STMND1: variants seen among roughly 807,000 people sequenced by gnomAD.
STMND1 encodes stathmin domain-containing protein 1.
A neutral mutation model predicts 23.0 loss-of-function variants in STMND1; 17 were observed. The observed-to-expected ratio is 0.74, with a 90% CI of 0.51 to 1.11. STMND1 has a LOEUF of 1.11. STMND1 is among the 50% of genes least tolerant of loss of function. STMND1 has a pLI of 0.00. For missense variants in STMND1, 305 were observed against 329.1 expected (o/e 0.93, Z 0.57); for synonymous variants, 114 against 119.9 (o/e 0.95, Z 0.32).
intron 1 of STMND1, among the ~76,000 whole-genome samples, chr6:17,104,292 T>C (rs992659969): frequency 2.6e-5 from 4 of 152,232 alleles, no homozygotes; most frequent in African/African-American, 4.8e-5. Context: ...TCCATTGTTC[T>C]TGTCGCCCTT....
intron 1 of STMND1, among the ~76,000 whole-genome samples, chr6:17,109,499 A>T (rs1001064316): frequency 6.6e-6 from 1 of 152,162 alleles, no homozygotes; most frequent in Non-Finnish European, 1.5e-5. Context: ...AGTGGTTAAC[A>T]CATGCTTGTA....
At chr6:17,119,256 C>T (rs1761197962) in intron 2 of STMND1, among the ~76,000 whole-genome samples, 2 of 152,176 alleles carry the variant, frequency 1.3e-5, no homozygotes, top group African/African-American at 4.8e-5. Context: ...GTTGGAGTTA[C>T]TTGCAGTGGC....
chr6:17,117,064 CT>C (rs558605566), intron 2 of STMND1, among the ~76,000 whole-genome samples: 2 of 151,562 alleles, frequency 1.3e-5, no homozygotes, highest in Admixed American at 6.6e-5. Context: ...GGGAAATTAC[CT>C]TTTTTTTGTT....
intron 1 of STMND1, among the ~76,000 whole-genome samples, chr6:17,103,387 A>C (rs182417789): frequency 1.3e-5 from 2 of 152,224 alleles, no homozygotes; most frequent in East Asian, 3.9e-4. Context: ...TGTGGGGCAC[A>C]TCTCTTGGGC....
chr6:17,123,508 T>G (rs552691378), intron 3 of STMND1, among the ~76,000 whole-genome samples: 1 of 152,260 alleles, frequency 6.6e-6, no homozygotes, highest in East Asian at 1.9e-4. Context: ...CCTGGGGATA[T>G]TTCAAACATC....
chr6:17,119,075 G>T (rs1761195423), intron 2 of STMND1, among the ~76,000 whole-genome samples: 1 of 152,016 alleles, frequency 6.6e-6, no homozygotes, highest in African/African-American at 2.4e-5. Context: ...CCTTTTCATT[G>T]AAATCTTCTC....
At position 17,129,135 on chromosome 6, in the gene STMND1, G is replaced by A; in HGVS notation, c.435G>A (p.Leu145=). 4 of 1,535,894 alleles carry A rather than the reference G, an allele frequency of 2.6e-6. No homozygotes were observed. The highest frequency in any genetic ancestry group is 3.5e-6 in the Non-Finnish European group (4 of 1,146,806). The change falls in exon 4 of 5, where the codon TTG becomes TTA. Residue 145 remains leucine, a synonymous_variant. Coordinates refer to ENST00000536551, the MANE Select transcript of STMND1 (RefSeq NM_001190766.2). ...AGTTGACTACGACTGAGAAGCCATT[G>A]AGAAAGCCACCTTCCAGACTGAAAA... ...DVTLTTTEKP[L]RKPPSRLKKL... is the part of the protein sequence containing the mutation.
intron 1 of STMND1, among the ~76,000 whole-genome samples, chr6:17,107,647 G>A (rs1274119807): frequency 6.6e-6 from 1 of 152,044 alleles, no homozygotes; most frequent in Non-Finnish European, 1.5e-5. Flanking sequence ...CCAAGTTGAA[G>A]TGCAGTGGTA....
intron 1 of STMND1, among the ~76,000 whole-genome samples, chr6:17,110,138 C>G (rs1365653462): frequency 6.6e-6 from 1 of 152,154 alleles, no homozygotes; most frequent in Non-Finnish European, 1.5e-5. Context: ...TATCAAGAAC[C>G]AATTCAGGCA....
chr6:17,126,658 C>T (rs951426031), intron 3 of STMND1, among the ~76,000 whole-genome samples: 3 of 152,106 alleles, frequency 2.0e-5, no homozygotes, highest in African/African-American at 2.4e-5. Context: ...GTGGTCTTTG[C>T]CAGCAGGAAA....
intron 1 of STMND1, among the ~76,000 whole-genome samples, chr6:17,104,855 C>T (rs1760997300): frequency 6.6e-6 from 1 of 152,160 alleles, no homozygotes; most frequent in Non-Finnish European, 1.5e-5. Flanking sequence ...TATTTAACCT[C>T]CCTGTGCCCC....
At chr6:17,103,746 A>T (rs1253498300) in intron 1 of STMND1, among the ~76,000 whole-genome samples, 3 of 151,534 alleles carry the variant, frequency 2.0e-5, no homozygotes, top group Non-Finnish European at 4.4e-5. Context: ...TAATTTTTGT[A>T]TTTTTATTAG....
intron 1 of STMND1, among the ~76,000 whole-genome samples, chr6:17,105,364 G>A (rs192074721): frequency 1.2e-3 from 183 of 152,264 alleles, no homozygotes; most frequent in African/African-American, 3.9e-3. Flanking sequence ...ATAAAATCCT[G>A]GCCGGGTGTG....
At chr6:17,126,970 C>T (rs760770631) in intron 3 of STMND1, among the ~76,000 whole-genome samples, 3 of 152,176 alleles carry the variant, frequency 2.0e-5, no homozygotes, top group Non-Finnish European at 4.4e-5. Flanking sequence ...GCATTCCTGC[C>T]GCCCCAGAGT....
At chr6:17,117,667 CTTTTTTTTT>C (rs34107338) in intron 2 of STMND1, among the ~76,000 whole-genome samples, 2 of 49,566 alleles carry the variant, frequency 4.0e-5, no homozygotes, top group African/African-American at 8.6e-5. Context: ...TTGGGTTACG[CTTTTTTTTT>C]TTTTTTTTTT....
chr6:17,116,172 G>T (rs897635006), intron 2 of STMND1, among the ~76,000 whole-genome samples: 4 of 152,204 alleles, frequency 2.6e-5, no homozygotes, highest in African/African-American at 9.7e-5. Flanking sequence ...AGTCAGTGCT[G>T]CCAGCTGTGT....
chr6:17,108,696 C>CTTTTTTTTTTTTT (rs10653504), intron 1 of STMND1, among the ~76,000 whole-genome samples: 1 of 138,736 alleles, frequency 7.2e-6, no homozygotes, highest in Non-Finnish European at 1.5e-5. Context: ...TTTTCTTTTT[C>CTTTTTTTTTTTTT]TTTTTTTTTT....
rs749271581 is a variant in STMND1 at position 17,120,617 on chromosome 6, C to G, written c.270C>G (p.Thr90=). 1.0e-5 allele frequency: 15 copies of G among 1,507,032 alleles called. 1 individual carries two copies. The South Asian group carries it at 1.8e-4, about 18-fold the overall frequency. The allele number at this position is 1,507,032 out of a possible 1,614,324, so 93.4% of individuals were successfully genotyped here. Residue 90 remains threonine (T), a synonymous_variant, in exon 3 of 5, where the codon ACC becomes ACG. Coordinates refer to ENST00000536551, the MANE Select transcript of STMND1 (RefSeq NM_001190766.2). ...RNRRVNSDLV[T]NGLINKPQSL... ...CTTCTTTTTTGGAAGACCTAGTGAC[C>G]AATGGATTAATCAATAAACCCCAAT...
chr6:17,118,546 G>A (rs531124597), intron 2 of STMND1, among the ~76,000 whole-genome samples: 1 of 152,238 alleles, frequency 6.6e-6, no homozygotes, highest in South Asian at 2.1e-4. Flanking sequence ...ACATATTCCA[G>A]GAATCTCTGT....
Sources: gnomAD v4.1 joint callset for allele counts (sites outside exome capture counted in the v4.1 genomes callset) on GRCh38, gnomAD v4.1.1 for gene constraint, MANE v1.5 for transcripts, NCBI Gene and HGNC (gene_info 2026-07-23, HGNC 2026-07-21) for gene names.